The following GRID2 variants were observed in gnomAD, a reference collection of about 807,000 sequenced individuals.
The protein encoded by GRID2 is glutamate ionotropic receptor delta type subunit 2.
Under a neutral mutation model 114.8 loss-of-function variants are expected in GRID2, and 33 were observed. The ratio of observed to expected loss-of-function variants is 0.29; its 90% CI spans 0.22 to 0.38. The LOEUF (loss-of-function observed/expected upper bound fraction) is 0.38, where lower values mean the gene tolerates loss of function less well. Among genes scored for constraint, GRID2 ranks in the 10% least tolerant of loss-of-function variants. GRID2 has a pLI of 1.00. For missense variants in GRID2, 1,184 were observed against 1,257.7 expected (o/e 0.94, Z 0.89); for synonymous variants, 505 against 449.9 (o/e 1.12, Z -1.55).
intron 14 of GRID2, among the ~76,000 whole-genome samples, chr4:93,735,087 T>C (rs1455980867): frequency 6.6e-6 from 1 of 151,960 alleles, no homozygotes; most frequent in Non-Finnish European, 1.5e-5. Flanking sequence ...ATCGTCAAAT[T>C]GCAAGCAAAC....
chr4:92,841,796 T>TG (rs973258737), intron 2 of GRID2, among the ~76,000 whole-genome samples: 2 of 148,630 alleles, frequency 1.3e-5, no homozygotes, highest in African/African-American at 5.2e-5. Flanking sequence ...ATAGCTTAAT[T>TG]TTTTTTTTCC....
At chr4:92,916,484 A>G (rs1005763942) in intron 2 of GRID2, among the ~76,000 whole-genome samples, 1 of 152,046 alleles carries the variant, frequency 6.6e-6, no homozygotes, top group Admixed American at 6.6e-5. Context: ...AACATTAGGT[A>G]TATCTCCTAA....
At position 92,460,032 on chromosome 4, in the gene GRID2, CTA is replaced by C. The variant is rs373743453; in HGVS notation, c.89-130078_89-130077del. On this transcript the variant is annotated intron_variant, in intron 1 of 15. Transcript: ENST00000282020. ...AGCCCATTCCTTAAAATAAATCTCA[CTA>C]TATATATATATATATATATACACAC... Among the ~76,000 whole-genome samples, 69 of 48,406 alleles carry C rather than the reference CTA, an allele frequency of 1.4e-3. 8 individuals carry two copies. Among genetic ancestry groups the C allele is most frequent in the East Asian group, 7.5e-3 (4 of 532 alleles). The allele number at this position is 48,406 out of a possible 152,430, so 31.8% of individuals were successfully genotyped here.
intron 2 of GRID2, among the ~76,000 whole-genome samples, chr4:92,907,025 G>C (rs1414367092): frequency 1.3e-5 from 2 of 152,084 alleles, no homozygotes; most frequent in East Asian, 3.8e-4. Flanking sequence ...AGTACTGTAT[G>C]TAGCACACTT....
intron 8 of GRID2, among the ~76,000 whole-genome samples, chr4:93,250,508 C>A (rs1477715237): frequency 1.3e-5 from 2 of 150,120 alleles, no homozygotes; most frequent in African/African-American, 2.5e-5. Context: ...AATAATAATT[C>A]TGCTATTGAT....
At chr4:93,619,258 G>T (rs879792325) in intron 13 of GRID2, among the ~76,000 whole-genome samples, 15 of 152,164 alleles carry the variant, frequency 9.9e-5, no homozygotes, top group Admixed American at 9.8e-4. Flanking sequence ...ATGATTTATT[G>T]TGCTGTATAA....
intron 13 of GRID2, among the ~76,000 whole-genome samples, chr4:93,583,867 G>A (rs1737251472): frequency 6.6e-6 from 1 of 151,958 alleles, no homozygotes; most frequent in East Asian, 1.9e-4. Flanking sequence ...TACAACAATA[G>A]CACAACAACA....
chr4:93,335,489 ATTGTC>A (rs1249076345), intron 8 of GRID2, among the ~76,000 whole-genome samples: 1 of 152,148 alleles, frequency 6.6e-6, no homozygotes, highest in Admixed American at 6.6e-5. Context: ...CATGTTTTAT[ATTGTC>A]TTAAGCACAC....
At chr4:93,775,071 A>C (rs1196571817), downstream of GRID2, among the ~76,000 whole-genome samples, 3 of 151,644 alleles carry the variant, frequency 2.0e-5, no homozygotes, top group Admixed American at 1.3e-4. Context: ...TTGAACAATA[A>C]TTTTAATTCT....
chr4:92,511,289 C>T (rs1271572753), intron 1 of GRID2, among the ~76,000 whole-genome samples: 2 of 151,684 alleles, frequency 1.3e-5, no homozygotes, highest in Non-Finnish European at 2.9e-5. Context: ...CTAGATCACA[C>T]ATAAACTACC....
rs541231340 is a variant in GRID2 at position 93,749,942 on chromosome 4, T to C, written c.2361-19268T>C. 2.6e-5 allele frequency among the ~76,000 whole-genome samples: 4 copies of C among 152,354 alleles called. No homozygotes were observed. The South Asian group carries it at 6.2e-4, about 24-fold the overall frequency. ...TGATTTCGAGAATTATATAACTGAA[T>C]TGCTACAGAGTGAACAATGCAGGTG... On this transcript the variant is annotated intron_variant, in intron 14 of 15. Coordinates refer to ENST00000282020, the MANE Select transcript of GRID2 (RefSeq NM_001510.4).
At chr4:92,612,438 C>T (rs558212428) in intron 2 of GRID2, among the ~76,000 whole-genome samples, 14 of 151,442 alleles carry the variant, frequency 9.2e-5, no homozygotes, top group Admixed American at 8.6e-4. Context: ...ATTGAGTTCT[C>T]CTTGTTTTCA....
intron 10 of GRID2, among the ~76,000 whole-genome samples, chr4:93,425,287 T>C (rs1768731325): frequency 1.3e-5 from 2 of 152,226 alleles, no homozygotes; most frequent in South Asian, 4.1e-4. Context: ...TGATTTTTGC[T>C]TCAGTGGATA....
intron 1 of GRID2, among the ~76,000 whole-genome samples, chr4:92,319,967 A>G (rs974597860): frequency 2.0e-5 from 3 of 152,196 alleles, no homozygotes; most frequent in Admixed American, 6.5e-5. Context: ...AAATATTGGA[A>G]TACTGCATTT....
At chr4:93,643,873 T>G (rs1171781493) in intron 14 of GRID2, among the ~76,000 whole-genome samples, 1 of 95,318 alleles carries the variant, frequency 1.0e-5, no homozygotes, top group East Asian at 2.3e-4. Context: ...TTTGTTTACC[T>G]AAGCAAGCCT....
At chr4:92,935,520 C>T (rs1440114803) in intron 2 of GRID2, among the ~76,000 whole-genome samples, 2 of 146,656 alleles carry the variant, frequency 1.4e-5, no homozygotes, top group African/African-American at 4.9e-5. Context: ...TTTGACCCAG[C>T]CATCCCATTA....
At chr4:93,043,409 A>G (rs957990153) in intron 2 of GRID2, among the ~76,000 whole-genome samples, 6 of 152,192 alleles carry the variant, frequency 3.9e-5, no homozygotes, top group Non-Finnish European at 5.9e-5. Context: ...AATACGTCAT[A>G]TAAAACATTA....
At chr4:93,703,063 C>T (rs1727648794) in intron 14 of GRID2, among the ~76,000 whole-genome samples, 1 of 152,070 alleles carries the variant, frequency 6.6e-6, no homozygotes, top group African/African-American at 2.4e-5. Context: ...TATTATCACA[C>T]TGGTTAACTT....
At chr4:93,311,978 T>A (rs191976045) in intron 8 of GRID2, among the ~76,000 whole-genome samples, 1 of 152,196 alleles carries the variant, frequency 6.6e-6, no homozygotes, top group Non-Finnish European at 1.5e-5. Flanking sequence ...GATAAATTCA[T>A]AATGTAGAAA....
Sources: gnomAD v4.1 joint callset for allele counts (sites outside exome capture counted in the v4.1 genomes callset) on GRCh38, gnomAD v4.1.1 for gene constraint, MANE v1.5 for transcripts, NCBI Gene and HGNC (gene_info 2026-07-23, HGNC 2026-07-21) for gene names.